The following NELL1 variants were observed in gnomAD, a reference collection of about 807,000 sequenced individuals.
NELL1 encodes protein kinase C-binding protein NELL1.
Under a neutral mutation model 107.4 loss-of-function variants are expected in NELL1, and 76 were observed. The observed-to-expected ratio is 0.71, with a 90% CI of 0.59 to 0.86. The LOEUF is 0.86. Among genes scored for constraint, NELL1 ranks in the 40% least tolerant of loss-of-function variants. The probability of loss-of-function intolerance (pLI) is 0.00; values close to 1 mark genes in which losing one functional copy is unlikely to be tolerated. For synonymous variants in NELL1, 353 were observed against 341.2 expected (o/e 1.03, Z -0.38); for missense variants, 1,024 against 1,005.5 (o/e 1.02, Z -0.25).
intron 12 of NELL1, among the ~76,000 whole-genome samples, chr11:21,085,728 AAATTTGGCATTGTT>A (rs1374669480): frequency 6.6e-6 from 1 of 152,246 alleles, no homozygotes; most frequent in Non-Finnish European, 1.5e-5. Context: ...GAACAGATAG[AAATTTGGCATTGTT>A]AGAGTAGAAT....
intron 15 of NELL1, among the ~76,000 whole-genome samples, chr11:21,380,849 T>C (rs1366045575): frequency 6.6e-6 from 1 of 152,088 alleles, no homozygotes; most frequent in African/African-American, 2.4e-5. Context: ...TGCAGTCTAG[T>C]ATACTGAAAA....
chr11:20,799,163 G>A (rs1857232243), intron 3 of NELL1, among the ~76,000 whole-genome samples: 1 of 152,236 alleles, frequency 6.6e-6, no homozygotes, highest in South Asian at 2.1e-4. Flanking sequence ...GAGACAGTAA[G>A]TACAAAGACT....
rs144915579 is a variant in NELL1, at chr11:21,060,978, G to A, written c.1301-52611G>A. On this transcript the variant is annotated intron_variant, in intron 12 of 19. Coordinates refer to ENST00000357134, the MANE Select transcript of NELL1 (RefSeq NM_006157.5). ...ACTTGAACTCCTGACCCCATGATCC[G>A]CCTGCCTCGGCATCCCAAAGTGCTG... Among the ~76,000 whole-genome samples, 1,619 of 152,236 alleles carry A rather than the reference G, an allele frequency of 0.011. 66 individuals are homozygous for A. The South Asian group carries it at 0.13, about 12-fold the overall frequency.
intron 12 of NELL1, among the ~76,000 whole-genome samples, chr11:21,078,173 C>G (rs976938151): frequency 6.6e-6 from 1 of 151,960 alleles, no homozygotes; most frequent in African/African-American, 2.4e-5. Flanking sequence ...GAGCTTTTCT[C>G]TGCAAAAGAA....
intron 11 of NELL1, among the ~76,000 whole-genome samples, chr11:20,952,183 G>A (rs746778708): frequency 3.3e-5 from 5 of 152,072 alleles, no homozygotes; most frequent in Non-Finnish European, 5.9e-5. Flanking sequence ...CTGGTAATCA[G>A]CTCTAATTGT....
chr11:21,113,819 A>G (rs890758510), intron 13 of NELL1, 105 bp downstream of exon 13: 3 of 1,195,664 alleles, frequency 2.5e-6, no homozygotes, highest in Admixed American at 2.7e-5. Context: ...TTTTTATCTA[A>G]ATAGTTCTTC....
rs536363292 is a variant in NELL1, at chr11:21,202,123, G to A, written c.1427-27209G>A. Among the ~76,000 whole-genome samples, 6 of 152,314 alleles carry A rather than the reference G, an allele frequency of 3.9e-5. No individual in the cohort carries two copies. In the South Asian group the frequency reaches 1.0e-3, roughly 26 times the overall value. On this transcript the variant is annotated intron_variant, in intron 13 of 19. Coordinates refer to ENST00000357134, the MANE Select transcript of NELL1 (RefSeq NM_006157.5). ...TGTATCTCTGCCAGGTTTGGTGTCA[G>A]GAGGACATTGGCCTCATAAAATGAG...
At chr11:20,871,396 C>T (rs1033234977) in intron 4 of NELL1, among the ~76,000 whole-genome samples, 2 of 152,172 alleles carry the variant, frequency 1.3e-5, no homozygotes, top group Non-Finnish European at 2.9e-5. Flanking sequence ...CCCTATAATG[C>T]AGTCTCTAAG....
intron 2 of NELL1, among the ~76,000 whole-genome samples, chr11:20,694,299 C>A (rs1411058893): frequency 6.6e-6 from 1 of 151,920 alleles, no homozygotes; most frequent in Non-Finnish European, 1.5e-5. Context: ...TTTTGTTTTT[C>A]TTGTGATTGC....
chr11:21,086,360 TAAG>T (rs1351397930), intron 12 of NELL1, among the ~76,000 whole-genome samples: 5 of 152,328 alleles, frequency 3.3e-5, no homozygotes, highest in African/African-American at 1.2e-4. Context: ...TATTTTAGAA[TAAG>T]AAGATTTTGT....
At chr11:21,425,735 T>G (rs1852804837) in intron 15 of NELL1, among the ~76,000 whole-genome samples, 1 of 152,192 alleles carries the variant, frequency 6.6e-6, no homozygotes, top group Non-Finnish European at 1.5e-5. Flanking sequence ...TGTAGTAATT[T>G]GCTACAAAAC....
chr11:21,260,059 G>A (rs1344706721), intron 14 of NELL1: 1 of 151,816 alleles, frequency 6.6e-6, no homozygotes, highest in Non-Finnish European at 1.5e-5. Context: ...TAGATGTGGT[G>A]GATATAGCAG....
At chr11:21,369,436 A>G (rs1249911925) in intron 14 of NELL1, among the ~76,000 whole-genome samples, 1 of 145,786 alleles carries the variant, frequency 6.9e-6, no homozygotes, top group Admixed American at 7.1e-5. Flanking sequence ...TTTGAATTCT[A>G]AGGTACACAC....
intron 13 of NELL1, among the ~76,000 whole-genome samples, chr11:21,125,926 A>G (rs1045355754): frequency 6.6e-5 from 10 of 152,242 alleles, no homozygotes; most frequent in African/African-American, 2.4e-4. Flanking sequence ...AATCATCTTC[A>G]GAGAAATGGG....
At chr11:21,124,153 TATA>T (rs1353862874) in intron 13 of NELL1, among the ~76,000 whole-genome samples, 1 of 152,110 alleles carries the variant, frequency 6.6e-6, no homozygotes, top group Non-Finnish European at 1.5e-5. Flanking sequence ...TAGAAAGAAA[TATA>T]AGACAATGAA....
intron 12 of NELL1, among the ~76,000 whole-genome samples, chr11:21,038,253 A>T (rs966902030): frequency 1.3e-5 from 2 of 152,218 alleles, no homozygotes; most frequent in African/African-American, 4.8e-5. Context: ...CTGGAAGATA[A>T]TAATGAGATT....
Position 21,251,757 on chromosome 11 carries a change from G to T in NELL1, c.1549+22303G>T, listed in dbSNP as rs548013333. On this transcript the variant is annotated intron_variant, in intron 14 of 19. Coordinates refer to ENST00000357134, the MANE Select transcript of NELL1 (RefSeq NM_006157.5). ...TAAACTTTGGCAATGACATGAGGAGGTTCAAGGCGATGGAATGGATCACCA... is the reference window on the plus strand; with the variant it reads ...TAAACTTTGGCAATGACATGAGGAGTTTCAAGGCGATGGAATGGATCACCA... Among the ~76,000 whole-genome samples the T allele has an allele frequency of 7.9e-5, 12 of 152,162 alleles. No homozygotes were observed. In the East Asian group the frequency reaches 1.9e-3, roughly 25 times the overall value.
chr11:21,553,277 T>C (rs1161110859), intron 16 of NELL1, among the ~76,000 whole-genome samples: 1 of 151,852 alleles, frequency 6.6e-6, no homozygotes, highest in Non-Finnish European at 1.5e-5. Context: ...GAGGATTACA[T>C]TGCCAAGGCT....
chr11:21,084,138 G>A (rs1206648961), intron 12 of NELL1, among the ~76,000 whole-genome samples: 1 of 152,142 alleles, frequency 6.6e-6, no homozygotes, highest in Non-Finnish European at 1.5e-5. Flanking sequence ...TTGTAAGTAA[G>A]AGATGCTTTG....
Sources: gnomAD v4.1 joint callset for allele counts (sites outside exome capture counted in the v4.1 genomes callset) on GRCh38, gnomAD v4.1.1 for gene constraint, MANE v1.5 for transcripts, NCBI Gene and HGNC (gene_info 2026-07-23, HGNC 2026-07-21) for gene names.